TRAPPC3L: variants seen among roughly 807,000 people sequenced by gnomAD.
The protein encoded by TRAPPC3L is trafficking protein particle complex subunit 3-like protein.
In TRAPPC3L, 23 loss-of-function variants were observed where a neutral mutation model predicts 23.7. The ratio of observed to expected loss-of-function variants is 0.97; its 90% CI spans 0.70 to 1.37. The LOEUF is 1.37. TRAPPC3L is among the 40% of genes most tolerant of loss of function. TRAPPC3L has a pLI of 0.00. For missense variants in TRAPPC3L, 212 were observed against 216.8 expected (o/e 0.98, Z 0.14); for synonymous variants, 81 against 77.9 (o/e 1.04, Z -0.21).
chr6:116,508,027 G>A (rs1388464095), intron 3 of TRAPPC3L, among the ~76,000 whole-genome samples: 1 of 152,146 alleles, frequency 6.6e-6, no homozygotes, highest in Non-Finnish European at 1.5e-5. Context: ...GTTTATTAAT[G>A]AAATTTTGTC....
intron 2 of TRAPPC3L, among the ~76,000 whole-genome samples, chr6:116,542,350 A>G (rs1400563371): frequency 6.6e-6 from 1 of 152,132 alleles, no homozygotes. Context: ...AAAAGAAAAA[A>G]ATATGCATAC....
At chr6:116,519,715 G>A (rs1772295127) in intron 3 of TRAPPC3L, 7 of 152,164 alleles carry the variant, frequency 4.6e-5, no homozygotes, top group Admixed American at 3.9e-4. Flanking sequence ...AAGGATTGGA[G>A]AATGCTCTTG....
rs368548166 is a variant in TRAPPC3L at position 116,538,982 on chromosome 6, G to A, written c.240+1381C>T. On this transcript the variant is annotated intron_variant, in intron 3 of 4. Transcript: ENST00000368602. Reference sequence around the variant, plus strand: ...TCCATCTCCTGAGCTCAAGTGATTTGCCCACACTAAGCTAATGGGATGAAT... The same window carrying A: ...TCCATCTCCTGAGCTCAAGTGATTTACCCACACTAAGCTAATGGGATGAAT... 2.6e-5 allele frequency among the ~76,000 whole-genome samples: 4 copies of A among 152,070 alleles called. No homozygotes were observed. The East Asian group carries it at 7.7e-4, about 29-fold the overall frequency.
At chr6:116,510,540 G>A (rs201875646) in intron 3 of TRAPPC3L, among the ~76,000 whole-genome samples, 7 of 151,748 alleles carry the variant, frequency 4.6e-5, no homozygotes, top group Admixed American at 2.6e-4. Flanking sequence ...CACCTGCCTC[G>A]ACCTCCCAAA....
At chr6:116,516,309 G>C (rs935894716) in intron 3 of TRAPPC3L, 1 of 207,808 alleles carries the variant, frequency 4.8e-6, no homozygotes, top group African/African-American at 2.3e-5. Flanking sequence ...GTAAATATTG[G>C]TTGCAGAATT....
intron 3 of TRAPPC3L, among the ~76,000 whole-genome samples, chr6:116,528,690 T>C (rs945811410): frequency 9.9e-5 from 15 of 152,228 alleles, no homozygotes; most frequent in Non-Finnish European, 2.2e-4. Context: ...AGGAAAATGG[T>C]CTGACATTCA....
chr6:116,498,210 A>T (rs1211286333), intron 4 of TRAPPC3L, among the ~76,000 whole-genome samples: 1 of 152,220 alleles, frequency 6.6e-6, no homozygotes, highest in Non-Finnish European at 1.5e-5. Flanking sequence ...AATATAATCA[A>T]CTGCTATTTA....
chr6:116,539,588 T>C (rs182087901), intron 3 of TRAPPC3L, among the ~76,000 whole-genome samples: 68 of 152,294 alleles, frequency 4.5e-4, no homozygotes, highest in Non-Finnish European at 4.6e-4. Flanking sequence ...ACAAAGAGTA[T>C]GTAAAACTGC....
At position 116,496,874 on chromosome 6, in the gene TRAPPC3L, A is replaced by G; in HGVS notation, c.*80T>C. ...CCTTTCAAAGCTCATGCTATGAAGC[A>G]ATTCAAAATTTCTATGTCTATACAT... is the stretch of plus-strand genomic sequence containing the variant. On this transcript the variant is annotated 3_prime_UTR_variant, in exon 5 of 5. Transcript: ENST00000368602. 6.9e-7 allele frequency: 1 copy of G among 1,441,082 alleles called. No homozygotes were observed. The highest frequency in any genetic ancestry group is 9.1e-7 in the Non-Finnish European group (1 of 1,100,806). 89.3% of individuals were successfully genotyped at this position (1,441,082 alleles called of 1,614,324 possible). A position where few individuals can be genotyped will look rare whatever the true frequency, so the allele number is the denominator to read the frequency against.
intron 3 of TRAPPC3L, chr6:116,512,406 G>T (rs1277453922): frequency 1.4e-6 from 1 of 738,676 alleles, no homozygotes; most frequent in Non-Finnish European, 2.1e-6. Context: ...TGAAAGGCTG[G>T]GTGGCTCAAT....
At chr6:116,529,066 T>C (rs993443323) in intron 3 of TRAPPC3L, 1 of 152,438 alleles carries the variant, frequency 6.6e-6, no homozygotes, top group African/African-American at 2.4e-5. Flanking sequence ...CTGCTCTCTC[T>C]GACCGGGTCT....
At chr6:116,511,767 C>T (rs1772124519) in intron 3 of TRAPPC3L, 1 of 1,613,926 alleles carries the variant, frequency 6.2e-7, no homozygotes, top group African/African-American at 1.3e-5. Flanking sequence ...AGCTTCATGG[C>T]TCTGCTGACC....
At chr6:116,543,898 A>C in intron 1 of TRAPPC3L, 1 of 1,495,164 alleles carries the variant, frequency 6.7e-7, no homozygotes, top group East Asian at 2.5e-5. Context: ...TTTTACTTAG[A>C]GAAAAAAGGG....
intron 3 of TRAPPC3L, among the ~76,000 whole-genome samples, chr6:116,533,063 A>T (rs1460856804): frequency 1.3e-5 from 2 of 152,200 alleles, no homozygotes; most frequent in African/African-American, 4.8e-5. Flanking sequence ...ACTGGGTGGT[A>T]GCTTAAGGGC....
At chr6:116,505,178 T>C (rs945207655) in intron 3 of TRAPPC3L, among the ~76,000 whole-genome samples, 8 of 152,314 alleles carry the variant, frequency 5.3e-5, no homozygotes, top group African/African-American at 1.9e-4. Context: ...AGTCTCAGCA[T>C]ACAAAATCAA....
intron 3 of TRAPPC3L, chr6:116,516,708 T>TATATAC (rs1198977627): frequency 8.4e-6 from 1 of 119,646 alleles, no homozygotes; most frequent in South Asian, 2.8e-4. Flanking sequence ...TATATATATA[T>TATATAC]ACACACACAC....
chr6:116,516,708 TACACACACACAG>T (rs1772235933), intron 3 of TRAPPC3L: 1 of 119,648 alleles, frequency 8.4e-6, no homozygotes, highest in South Asian at 2.8e-4. Context: ...TATATATATA[TACACACACACAG>T]AAATATATAT....
intron 3 of TRAPPC3L, among the ~76,000 whole-genome samples, chr6:116,534,202 C>T (rs1369870494): frequency 6.6e-6 from 1 of 152,012 alleles, no homozygotes; most frequent in Admixed American, 6.6e-5. Flanking sequence ...TGTGTGATTC[C>T]TGTCTCCTGA....
intron 3 of TRAPPC3L, among the ~76,000 whole-genome samples, chr6:116,528,156 C>G (rs1451207807): frequency 2.0e-5 from 3 of 152,164 alleles, no homozygotes; most frequent in Non-Finnish European, 1.5e-5. Flanking sequence ...AGATTCTTCT[C>G]TGTGATGAAA....
Sources: gnomAD v4.1 joint callset for allele counts (sites outside exome capture counted in the v4.1 genomes callset) on GRCh38, gnomAD v4.1.1 for gene constraint, MANE v1.5 for transcripts, NCBI Gene and HGNC (gene_info 2026-07-23, HGNC 2026-07-21) for gene names.